The following SEM1 variants were observed in gnomAD, a reference collection of about 807,000 sequenced individuals.
SEM1 encodes SEM1 26S proteasome subunit, also known as 26S proteasome complex subunit SEM1.
SEM1 carries 3 observed loss-of-function variants against 12.7 expected under a neutral mutation model. The observed-to-expected ratio is 0.24, with a 90% CI of 0.11 to 0.61. The LOEUF (loss-of-function observed/expected upper bound fraction) is 0.61. SEM1 is among the 20% of genes least tolerant of loss of function. The pLI is 0.88. For missense variants in SEM1, 59 were observed against 81.3 expected (o/e 0.73, Z 1.06); for synonymous variants, 30 against 27.8 (o/e 1.08, Z -0.25).
At chr7:96,622,481 G>A (rs1452298284), downstream of SEM1, 1 of 625,380 alleles carries the variant, frequency 1.6e-6, no homozygotes, top group Non-Finnish European at 2.9e-6. Context: ...AATAGTAGTA[G>A]TATTTTCCTT....
At chr7:96,661,447 G>A (rs1369427078) in intron 2 of SEM1, among the ~76,000 whole-genome samples, 1 of 151,994 alleles carries the variant, frequency 6.6e-6, no homozygotes, top group Non-Finnish European at 1.5e-5. Context: ...TTTTATATAA[G>A]ACAACAAATA....
At chr7:96,650,890 G>A (rs1808958084) in intron 2 of SEM1, among the ~76,000 whole-genome samples, 1 of 152,176 alleles carries the variant, frequency 6.6e-6, no homozygotes, top group African/African-American at 2.4e-5. Flanking sequence ...TTTGCCAATG[G>A]TGTTTTCAGG....
chr7:96,605,715 T>G (rs1275165678), intron 2 of SEM1, among the ~76,000 whole-genome samples: 1 of 152,222 alleles, frequency 6.6e-6, no homozygotes, highest in African/African-American at 2.4e-5. Context: ...ACTTGGGGTT[T>G]CTTTGATTGC....
rs570083856 is a variant in SEM1 at position 96,515,037 on chromosome 7, G to A, written c.171-8339C>T. 8.5e-5 allele frequency among the ~76,000 whole-genome samples: 13 copies of A among 152,214 alleles called. 1 individual carries two copies. In the South Asian group the frequency reaches 2.7e-3, roughly 32 times the overall value. ...TCAAGACACTATGGTATTGGTGAAA[G>A]AGTATGAAGAGATCAATGGAAAAGA... On this transcript the variant is annotated intron_variant and NMD_transcript_variant, in intron 2 of 3. Coordinates refer to the SEM1 transcript ENST00000466986.
intron 2 of SEM1, among the ~76,000 whole-genome samples, chr7:96,527,253 A>G (rs1804495993): frequency 6.6e-6 from 1 of 152,130 alleles, no homozygotes; most frequent in Non-Finnish European, 1.5e-5. Flanking sequence ...CCTTCCTAAC[A>G]CAATGACACG....
chr7:96,512,550 C>T (rs77761257), intron 2 of SEM1, among the ~76,000 whole-genome samples: 5,201 of 152,108 alleles, frequency 0.034, 297 homozygotes, highest in African/African-American at 0.12. Flanking sequence ...CACTAAATCA[C>T]ATTATGAAAC....
chr7:96,541,155 G>T (rs893391315), intron 2 of SEM1, among the ~76,000 whole-genome samples: 1 of 151,846 alleles, frequency 6.6e-6, no homozygotes, highest in African/African-American at 2.4e-5. Flanking sequence ...CTTTGAGAAA[G>T]AAATCTCTAA....
At chr7:96,706,275 G>A (rs1422525905) in intron 1 of SEM1, 1 of 152,076 alleles carries the variant, frequency 6.6e-6, no homozygotes, top group South Asian at 2.1e-4. Flanking sequence ...CTATTGAGAA[G>A]AAACTATGCT....
At chr7:96,525,520 A>C (rs749415969) in intron 2 of SEM1, among the ~76,000 whole-genome samples, 11 of 152,134 alleles carry the variant, frequency 7.2e-5, no homozygotes, top group Non-Finnish European at 1.3e-4. Flanking sequence ...AACCATCTGA[A>C]TGTTCAACTC....
chr7:96,609,228 C>T (rs1248077541), intron 2 of SEM1, among the ~76,000 whole-genome samples: 1 of 152,078 alleles, frequency 6.6e-6, no homozygotes, highest in Non-Finnish European at 1.5e-5. Context: ...CATTAGTGTG[C>T]CATTGCTTCT....
At chr7:96,581,621 T>C (rs1295732833) in intron 2 of SEM1, among the ~76,000 whole-genome samples, 3 of 152,222 alleles carry the variant, frequency 2.0e-5, no homozygotes, top group Non-Finnish European at 4.4e-5. Context: ...TGTTCTTCCA[T>C]TTCTTTCTAT....
chr7:96,617,892 C>T (rs980305624), downstream of SEM1, among the ~76,000 whole-genome samples: 9 of 151,980 alleles, frequency 5.9e-5, no homozygotes, highest in African/African-American at 2.2e-4. Flanking sequence ...TAAATCCCAC[C>T]TGATCATGGT....
chr7:96,690,267 A>T (rs1420629175), intron 2 of SEM1, among the ~76,000 whole-genome samples: 1 of 152,146 alleles, frequency 6.6e-6, no homozygotes, highest in Non-Finnish European at 1.5e-5. Flanking sequence ...GAACAAAAAA[A>T]CCCCAAAGTT....
At chr7:96,631,571 C>T (rs111555402) in intron 2 of SEM1, among the ~76,000 whole-genome samples, 2,045 of 151,920 alleles carry the variant, frequency 0.013, 38 homozygotes, top group African/African-American at 0.047. Context: ...AAGTTAAAAC[C>T]GGAGCCTAAG....
At chr7:96,509,254 C>T (rs1803856239) in intron 2 of SEM1, among the ~76,000 whole-genome samples, 1 of 151,310 alleles carries the variant, frequency 6.6e-6, no homozygotes, top group South Asian at 2.1e-4. Flanking sequence ...GATCCACCTG[C>T]CTTGGCCTCT....
chr7:96,695,187 G>A (rs3801293), intron 1 of SEM1: 36,065 of 211,174 alleles, frequency 0.17, 3,195 homozygotes, highest in South Asian at 0.21. Context: ...TTAGAAGGTC[G>A]ACTTCACAAT....
chr7:96,594,502 T>A (rs779830991), intron 2 of SEM1, among the ~76,000 whole-genome samples: 1 of 152,166 alleles, frequency 6.6e-6, no homozygotes. Context: ...GATGCATAGG[T>A]AAGTGAGTCC....
At chr7:96,551,620 G>T (rs1805274674) in intron 2 of SEM1, among the ~76,000 whole-genome samples, 1 of 149,498 alleles carries the variant, frequency 6.7e-6, no homozygotes, top group East Asian at 2.0e-4. Flanking sequence ...CAAGAGAATT[G>T]CTTGAAACTG....
rs1790589846 is a variant in SEM1, at chr7:96,709,697, G to C, written c.67C>G (p.Pro23Ala). The C allele has an allele frequency of 1.9e-6, 3 of 1,613,220 alleles. No individual in the cohort carries two copies. Among genetic ancestry groups the C allele is most frequent in the Non-Finnish European group, 2.5e-6 (3 of 1,179,600 alleles). The change falls in exon 1 of 3, where the codon CCT (proline) becomes GCT (alanine). Residue 23 changes from proline (P) to alanine (A), a missense_variant. Transcript: ENST00000248566. ...GGGGCCCAGCGGTTACCTTCGGCAG[G>C]GAACTCTTCAAACTCGTCGTCTTCC... ...LEEDDEFEEF[P>A]AEDWAGLDED... is the part of the protein sequence containing the mutation.
Sources: gnomAD v4.1 joint callset for allele counts (sites outside exome capture counted in the v4.1 genomes callset) on GRCh38, gnomAD v4.1.1 for gene constraint, MANE v1.5 for transcripts, NCBI Gene and HGNC (gene_info 2026-07-23, HGNC 2026-07-21) for gene names.